The following ANAPC1 variants were observed in gnomAD, a reference collection of about 807,000 sequenced individuals.
The protein encoded by ANAPC1 is anaphase promoting complex subunit 1.
Under a neutral mutation model 208.0 loss-of-function variants are expected in ANAPC1, and 36 were observed. That is an observed-to-expected ratio of 0.17 (90% confidence interval 0.13 to 0.23). The LOEUF is 0.23. Among genes scored for constraint, ANAPC1 ranks in the 10% least tolerant of loss-of-function variants. The probability of loss-of-function intolerance (pLI) is 1.00; values close to 1 mark genes in which losing one functional copy is unlikely to be tolerated. For synonymous variants in ANAPC1, 378 were observed against 695.2 expected (o/e 0.54, Z 7.18); for missense variants, 942 against 2,011.6 (o/e 0.47, Z 10.17).
At chr2:111,857,904 G>A (rs1681823406) in intron 11 of ANAPC1, among the ~76,000 whole-genome samples, 1 of 152,048 alleles carries the variant, frequency 6.6e-6, no homozygotes, top group Admixed American at 6.6e-5. Flanking sequence ...ACAAAATGGT[G>A]GATCCTAAAA....
intron 5 of ANAPC1, 200 bp from the exon 6 acceptor site, chr2:111,872,912 A>T (rs1682830640): frequency 3.5e-6 from 2 of 564,684 alleles, no homozygotes; most frequent in Admixed American, 3.4e-5. Flanking sequence ...AATAAAGAGG[A>T]GTTGTTCAAT....
At chr2:111,787,578 CT>C (rs1294091905) in intron 39 of ANAPC1, among the ~76,000 whole-genome samples, 3 of 152,154 alleles carry the variant, frequency 2.0e-5, no homozygotes, top group African/African-American at 7.2e-5. Flanking sequence ...GCTCAGGTGT[CT>C]TATAGGGGCT....
At position 111,850,242 on chromosome 2, in the gene ANAPC1, C is replaced by A. The variant is rs1250729973; in HGVS notation, c.1650+534G>T. Among the ~76,000 whole-genome samples, 6 of 149,146 alleles carry A rather than the reference C, an allele frequency of 4.0e-5. No individual in the cohort carries two copies. The East Asian group carries it at 1.2e-3, about 30-fold the overall frequency. On this transcript the variant is annotated intron_variant, in intron 14 of 47. Transcript: ENST00000341068. ...GACTAGGAGATGAAGATACAAATAT[C>A]CACTAAAAAATGTTCCACATTATCT...
intron 22 of ANAPC1, 49 bp downstream of exon 22, chr2:111,825,728 C>T: frequency 6.4e-7 from 1 of 1,569,226 alleles, no homozygotes; most frequent in Non-Finnish European, 8.7e-7. Flanking sequence ...AATTCTGATA[C>T]TGACATTTAC....
At chr2:111,877,155 T>C (rs1433798331) in intron 3 of ANAPC1, among the ~76,000 whole-genome samples, 19 of 149,578 alleles carry the variant, frequency 1.3e-4, no homozygotes, top group African/African-American at 4.4e-4. Context: ...AACCATAAAA[T>C]CATCGTCCCT....
At position 111,850,791 on chromosome 2, in the gene ANAPC1, A is replaced by G. The variant is rs778913540; in HGVS notation, c.1635T>C (p.Leu545=). The G allele has an allele frequency of 1.4e-5, 22 of 1,611,800 alleles. No homozygotes were observed. The highest frequency in any genetic ancestry group is 3.3e-5 in the Admixed American group (2 of 59,982). The change falls in exon 14 of 48, where the codon CTT becomes CTC. Residue 545 remains leucine (L), a synonymous_variant. Transcript: ENST00000341068. Reference sequence around the variant, plus strand: ...CTTTTCTTACCTCGTCCAATGATCCAAGGAGTTTACTAAGAGGCTTTGGAG... The same window carrying G: ...CTTTTCTTACCTCGTCCAATGATCCGAGGAGTTTACTAAGAGGCTTTGGAG... ...VSTPKPLSKL[L]GSLDEVVLLS...
chr2:111,778,469 C>CA (rs1677103037), intron 45 of ANAPC1, among the ~76,000 whole-genome samples: 1 of 146,150 alleles, frequency 6.8e-6, no homozygotes, highest in Non-Finnish European at 1.5e-5. Flanking sequence ...AGACAGCCCC[C>CA]CAAGGGGCAC....
At chr2:111,839,520 C>G (rs1202037706) in intron 17 of ANAPC1, among the ~76,000 whole-genome samples, 1 of 152,142 alleles carries the variant, frequency 6.6e-6, no homozygotes, top group Non-Finnish European at 1.5e-5. Flanking sequence ...ACATATTTAT[C>G]AACTCACTCA....
chr2:111,773,840 C>T (rs889278981), intron 46 of ANAPC1, among the ~76,000 whole-genome samples: 25 of 152,006 alleles, frequency 1.6e-4, no homozygotes, highest in African/African-American at 3.1e-4. Flanking sequence ...GGAAAACAGG[C>T]GCCTTGCAGG....
intron 10 of ANAPC1, 131 bp from the exon 11 acceptor site, chr2:111,858,532 G>A (rs868354764): frequency 1.2e-5 from 6 of 518,084 alleles, no homozygotes; most frequent in Middle Eastern, 9.7e-4. Flanking sequence ...AGGCCGAGGC[G>A]GGCAGATCAC....
intron 34 of ANAPC1, among the ~76,000 whole-genome samples, chr2:111,797,356 AATGAGT>A (rs1678217853): frequency 1.3e-5 from 2 of 152,076 alleles, no homozygotes; most frequent in Admixed American, 1.3e-4. Context: ...ACAGAGGATT[AATGAGT>A]ATGTGCTGAA....
chr2:111,830,056 T>G (rs1680051224), intron 21 of ANAPC1, among the ~76,000 whole-genome samples: 1 of 151,798 alleles, frequency 6.6e-6, no homozygotes, highest in South Asian at 2.1e-4. Flanking sequence ...GGCGACAGAG[T>G]GAGACTCTGT....
At chr2:111,834,308 C>T (rs940418409) in intron 19 of ANAPC1, among the ~76,000 whole-genome samples, 17 of 152,142 alleles carry the variant, frequency 1.1e-4, no homozygotes, top group Non-Finnish European at 2.2e-4. Context: ...GAACTCCCAC[C>T]GCAGTATAGC....
intron 42 of ANAPC1, among the ~76,000 whole-genome samples, chr2:111,783,264 T>A (rs1006030197): frequency 1.3e-5 from 2 of 152,208 alleles, no homozygotes; most frequent in African/African-American, 4.8e-5. Context: ...CCCACCCAAA[T>A]CTCATGTCAA....
At chr2:111,840,408 A>C (rs1348599465) in intron 17 of ANAPC1, among the ~76,000 whole-genome samples, 3 of 152,236 alleles carry the variant, frequency 2.0e-5, no homozygotes, top group Non-Finnish European at 4.4e-5. Context: ...ATAGCAAAGC[A>C]ACTTGGCCTC....
At chr2:111,858,767 GA>G (rs59260533) in intron 10 of ANAPC1, among the ~76,000 whole-genome samples, 33,114 of 123,372 alleles carry the variant, frequency 0.27, 3,501 homozygotes, top group Middle Eastern at 0.46. Flanking sequence ...GTCTCAAAAA[GA>G]AAAAAAAAAA....
intron 45 of ANAPC1, among the ~76,000 whole-genome samples, chr2:111,778,449 C>T (rs1282708704): frequency 7.2e-6 from 1 of 139,212 alleles, no homozygotes. Flanking sequence ...GAATGGGAAC[C>T]CTTAAAGGAA....
At chr2:111,869,400 C>T (rs539660652) in intron 6 of ANAPC1, among the ~76,000 whole-genome samples, 1 of 152,054 alleles carries the variant, frequency 6.6e-6, no homozygotes, top group Non-Finnish European at 1.5e-5. Flanking sequence ...CCTGCCACCA[C>T]GCTTGGCTAA....
chr2:111,868,893 G>C (rs1346614302), intron 6 of ANAPC1, among the ~76,000 whole-genome samples: 3 of 152,218 alleles, frequency 2.0e-5, no homozygotes, highest in Middle Eastern at 3.4e-3. Context: ...TTCTTTCAAA[G>C]CATAAAGAGA....
Sources: allele counts gnomAD v4.1 joint callset (sites outside exome capture counted in the v4.1 genomes callset), GRCh38; gene constraint gnomAD v4.1.1; transcripts MANE v1.5; gene names NCBI Gene and HGNC (gene_info 2026-07-23, HGNC 2026-07-21).